The following ARMCX4 variants were observed in gnomAD, a reference collection of about 807,000 sequenced individuals.
ARMCX4 encodes the protein armadillo repeat-containing X-linked protein 4.
ARMCX4 carries 3 observed loss-of-function variants against 34.7 expected under a neutral mutation model. That is an observed-to-expected ratio of 0.09 (90% CI 0.04 to 0.22). The LOEUF is 0.22. ARMCX4 is among the 10% of genes least tolerant of loss of function. The probability of loss-of-function intolerance (pLI) is 1.00; values close to 1 mark genes in which losing one functional copy is unlikely to be tolerated. For missense variants in ARMCX4, 1,448 were observed against 1,720.8 expected (o/e 0.84, Z 2.81); for synonymous variants, 513 against 632.8 (o/e 0.81, Z 2.84).
rs868977586 is a variant in ARMCX4, at chrX:101,489,187, A to G, written c.598A>G (p.Thr200Ala). 87 of 1,154,391 alleles carry G rather than the reference A, an allele frequency of 7.5e-5. No individual in the cohort carries two copies. In the African/African-American group the frequency reaches 1.4e-3, roughly 18 times the overall value. Reference sequence around the variant, plus strand: ...AACTCATATATTGGCTGAAAAAGAGACAGAGATTAACAGAGTAATGGTTAC... The same window carrying G: ...AACTCATATATTGGCTGAAAAAGAGGCAGAGATTAACAGAGTAATGGTTAC... ...AETHILAEKE[T>A]EINRVMVTQS... The change falls in exon 6 of 6, where the codon ACA becomes GCA. Residue 200 changes from threonine to alanine, a missense_variant. By Grantham distance (58) the Thr-to-Ala change is moderately conservative. This residue lies in a region of ARMCX4 where 1,343 missense variants were observed against 1,540.7 expected (regional missense o/e 0.87). Coordinates refer to ENST00000423738, the MANE Select transcript of ARMCX4 (RefSeq NM_001256155.3).
intron 11 of ARMCX4, among the ~76,000 whole-genome samples, chrX:101,527,680 T>C (rs1226771486): frequency 4.5e-5 from 5 of 111,074 alleles, no homozygotes; most frequent in Admixed American, 9.6e-5. Flanking sequence ...ATACAAACTA[T>C]CATCAGAGAA....
Position 101,491,109 on chromosome X carries a change from C to T in ARMCX4, c.2520C>T (p.Val840=). 8.6e-7 allele frequency: 1 copy of T among 1,156,498 alleles called. No homozygotes were observed. The part of the protein sequence containing the change: ...PQAVANSQGE[V]LPGAKNKVKG... The stretch of plus-strand genomic sequence containing the variant: ...CTGTGGCCAATTCCCAGGGTGAAGT[C>T]TTGCCTGGTGCCAAGAATAAGGTCA... The change falls in exon 6 of 6, where the codon GTC becomes GTT. Residue 840 remains valine (V), a synonymous_variant. Coordinates refer to ENST00000423738, the MANE Select transcript of ARMCX4 (RefSeq NM_001256155.3).
chrX:101,506,091 C>T (rs782660506), intron 8 of ARMCX4, among the ~76,000 whole-genome samples: 1 of 112,051 alleles, frequency 8.9e-6, no homozygotes, highest in Non-Finnish European at 1.9e-5. Flanking sequence ...GATCCACCCA[C>T]CTTGGCCTCC....
downstream of ARMCX4, chrX:101,447,564 G>A (rs1165410796): frequency 1.8e-5 from 2 of 112,043 alleles, no homozygotes; most frequent in African/African-American, 3.2e-5. Flanking sequence ...AAGAGAAGAC[G>A]CTTAGATGAT....
At chrX:101,515,707 T>A (rs781995202) in intron 11 of ARMCX4, among the ~76,000 whole-genome samples, 1 of 105,728 alleles carries the variant, frequency 9.5e-6, no homozygotes, top group Non-Finnish European at 1.9e-5. Flanking sequence ...CCCAGCTAAT[T>A]TTTTTGGTAT....
intron 2 of ARMCX4, among the ~76,000 whole-genome samples, chrX:101,429,485 G>A (rs1318108071): frequency 6.4e-5 from 7 of 108,686 alleles, no homozygotes; most frequent in East Asian, 5.8e-4. Flanking sequence ...ACAGGCATGC[G>A]CCACCATGCC....
chrX:101,471,682 C>G (rs1278807718), intron 4 of ARMCX4, among the ~76,000 whole-genome samples: 5 of 111,420 alleles, frequency 4.5e-5, no homozygotes, highest in African/African-American at 1.6e-4. Context: ...AGGAGGCACC[C>G]CCCAGCAGGG....
intron 4 of ARMCX4, among the ~76,000 whole-genome samples, chrX:101,457,468 G>A (rs782144837): frequency 9.6e-4 from 107 of 111,128 alleles, no homozygotes; most frequent in African/African-American, 3.4e-3. Context: ...AGTGGCTCAC[G>A]CCTGTATCCC....
At chrX:101,460,000 G>A (rs1556000998) in intron 4 of ARMCX4, among the ~76,000 whole-genome samples, 1 of 112,727 alleles carries the variant, frequency 8.9e-6, no homozygotes, top group African/African-American at 3.2e-5. Context: ...GAGACCCAAA[G>A]ATATGCATTT....
intron 7 of ARMCX4, among the ~76,000 whole-genome samples, chrX:101,503,358 C>A (rs1194372563): frequency 9.0e-6 from 1 of 111,405 alleles, no homozygotes; most frequent in African/African-American, 3.3e-5. Context: ...GAGGAATCGC[C>A]ACACTGACTT....
chrX:101,525,036 C>T (rs1356752989), intron 11 of ARMCX4, among the ~76,000 whole-genome samples: 1 of 111,823 alleles, frequency 8.9e-6, no homozygotes, highest in African/African-American at 3.3e-5. Context: ...CTGGGAGACA[C>T]CTCCCAGTAG....
intron 11 of ARMCX4, among the ~76,000 whole-genome samples, chrX:101,514,900 C>T (rs930262171): frequency 2.7e-5 from 3 of 111,435 alleles, no homozygotes; most frequent in East Asian, 2.8e-4. Context: ...AATTCCTTAA[C>T]GAAGGTCCCC....
intron 2 of ARMCX4, among the ~76,000 whole-genome samples, chrX:101,425,718 G>T (rs1347594818): frequency 1.8e-5 from 2 of 110,915 alleles, no homozygotes; most frequent in African/African-American, 3.3e-5. Flanking sequence ...TGGAAACAAA[G>T]AATATAGGCA....
Position 101,527,886 on chromosome X carries a change from G to A in ARMCX4, c.*1781-3758G>A, listed in dbSNP as rs782095708. Among the ~76,000 whole-genome samples, 16 of 111,500 alleles carry A rather than the reference G, an allele frequency of 1.4e-4. 3 individuals are homozygous for A. The highest frequency in any genetic ancestry group is 1.4e-3 in the East Asian group (5 of 3,555). On this transcript the variant is annotated intron_variant and NMD_transcript_variant, in intron 11 of 12. Coordinates refer to the ARMCX4 transcript ENST00000354842. ...TCCAGGACCAGACGGATTCACAGCCGAATTCTACCAGAGGTACAAGGAGGA... is the reference window on the plus strand; with the variant it reads ...TCCAGGACCAGACGGATTCACAGCCAAATTCTACCAGAGGTACAAGGAGGA...
In ARMCX4 at chrX:101,495,307, G is replaced by A. The variant is rs1934153207; in HGVS notation, c.6718G>A (p.Ala2240Thr). ...TATAAATTACCATTTTAAAAGAAGA[G>A]CAAAAGCATTTACCCAGGACAAATT... ...ENINYHFKRRAKAFTQDKFSK... is the reference protein window; with the variant it reads ...ENINYHFKRRTKAFTQDKFSK... The change falls in exon 6 of 6, where the codon GCA (alanine) becomes ACA (threonine). Residue 2240 changes from alanine to threonine, a missense_variant. By Grantham distance (58) the Ala-to-Thr change is moderately conservative. Around this residue, in one of 2 missense-constraint regions of ARMCX4, gnomAD observed 105 missense variants for 180.2 expected, o/e 0.58. Transcript: ENST00000423738. 1 of 1,143,702 alleles carries A rather than the reference G, an allele frequency of 8.7e-7. No homozygotes were observed. The highest frequency in any genetic ancestry group is 1.2e-6 in the Non-Finnish European group (1 of 863,644). The allele number at this position is 1,143,702 out of a possible 1,213,427, so 94.3% of individuals were successfully genotyped here. A position where few individuals can be genotyped will look rare whatever the true frequency, so the allele number is the denominator to read the frequency against.
At position 101,495,752 on chromosome X, in the gene ARMCX4, T is replaced by C. The variant is rs1934162727; in HGVS notation, c.*290T>C. The C allele has an allele frequency of 4.9e-6, 1 of 204,221 alleles. No homozygotes were observed. The highest frequency in any genetic ancestry group is 9.1e-6 in the Non-Finnish European group (1 of 109,658). 16.8% of individuals were successfully genotyped at this position (204,221 alleles called of 1,213,427 possible). A position where few individuals can be genotyped will look rare whatever the true frequency, so the allele number is the denominator to read the frequency against. ...CTTTGTGTGGACTTATGTTTATACA[T>C]TTAAGACTATTTTTATGTCATCAAT... On this transcript the variant is annotated 3_prime_UTR_variant, in exon 6 of 6. Transcript: ENST00000423738.
chrX:101,530,662 A>T (rs1935109428), intron 11 of ARMCX4, among the ~76,000 whole-genome samples: 1 of 111,931 alleles, frequency 8.9e-6, no homozygotes, highest in African/African-American at 3.2e-5. Context: ...GAAAGAAAAG[A>T]ATTGCCAACC....
At chrX:101,445,830 G>GT (rs782640889) in intron 3 of ARMCX4, among the ~76,000 whole-genome samples, 16 of 111,127 alleles carry the variant, frequency 1.4e-4, no homozygotes, top group Admixed American at 3.9e-4. Context: ...CCCTGGGGAG[G>GT]AGAGTTCTGT....
intron 2 of ARMCX4, among the ~76,000 whole-genome samples, chrX:101,430,497 G>T (rs1284668884): frequency 8.9e-6 from 1 of 112,622 alleles, no homozygotes; most frequent in East Asian, 2.8e-4. Context: ...TGTGACAGAA[G>T]AAATATCCCT....
Sources: allele counts gnomAD v4.1 joint callset (sites outside exome capture counted in the v4.1 genomes callset), GRCh38; gene constraint gnomAD v4.1.1; regional missense constraint gnomAD v4.1.1; transcripts MANE v1.5; gene names NCBI Gene and HGNC (gene_info 2026-07-23, HGNC 2026-07-21).